VXN: variants seen among roughly 807,000 people sequenced by gnomAD.
VXN encodes uncharacterized protein C8orf46.
VXN carries 7 observed loss-of-function variants against 23.1 expected under a neutral mutation model. That is an observed-to-expected ratio of 0.30 (90% CI 0.17 to 0.57). VXN has a LOEUF of 0.57. VXN is among the 20% of genes least tolerant of loss of function. The pLI is 0.91. For synonymous variants in VXN, 120 were observed against 105.8 expected (o/e 1.13, Z -0.83); for missense variants, 238 against 272.6 (o/e 0.87, Z 0.89).
intron 3 of VXN, among the ~76,000 whole-genome samples, chr8:66,507,636 T>C (rs1563507917): frequency 1.3e-5 from 2 of 152,092 alleles, no homozygotes; most frequent in South Asian, 4.1e-4. Context: ...ACAAGAGCAA[T>C]AAGTTATGAT....
At chr8:66,510,395 A>C (rs1807808312) in intron 4 of VXN, 2 of 480,532 alleles carry the variant, frequency 4.2e-6, no homozygotes, top group Admixed American at 7.7e-5. Context: ...CTCTTAGGCA[A>C]ACAAAAGAAG....
chr8:66,495,192 G>C (rs984669936), intron 1 of VXN, among the ~76,000 whole-genome samples: 6 of 152,082 alleles, frequency 3.9e-5, no homozygotes, highest in African/African-American at 1.2e-4. Context: ...GGTAGAAAGA[G>C]AACCAAAACA....
At chr8:66,504,469 C>A (rs535091319) in intron 2 of VXN, among the ~76,000 whole-genome samples, 20 of 151,572 alleles carry the variant, frequency 1.3e-4, no homozygotes, top group Non-Finnish European at 2.5e-4. Flanking sequence ...GGATCGAAGC[C>A]CAAACTACCA....
At chr8:66,511,812 A>T (rs1173357532) in intron 4 of VXN, among the ~76,000 whole-genome samples, 1 of 152,078 alleles carries the variant, frequency 6.6e-6, no homozygotes, top group Non-Finnish European at 1.5e-5. Context: ...CACAGCTGTA[A>T]TCCCAGCACT....
At chr8:66,505,311 G>C (rs1165405191) in intron 2 of VXN, 64 bp from the exon 3 acceptor site, 2 of 1,549,618 alleles carry the variant, frequency 1.3e-6, no homozygotes, top group South Asian at 2.4e-5. Context: ...TCCTGCCCTG[G>C]GGTTCCATGG....
At position 66,516,103 on chromosome 8, in the gene VXN, TTG is replaced by T. The variant is rs1350072753; in HGVS notation, c.*28_*29del. On this transcript the variant is annotated 3_prime_UTR_variant, in exon 6 of 6. Coordinates refer to ENST00000305454, the MANE Select transcript of VXN (RefSeq NM_152765.4). ...GGTGACCCTCTTCAAGTGCCCTGTG[TTG>T]GCCAAGGTTCCCCGGACAAGAGGAA... 3.2e-6 allele frequency: 5 copies of T among 1,563,480 alleles called. No homozygotes were observed. The highest frequency in any genetic ancestry group is 4.3e-6 in the Non-Finnish European group (5 of 1,159,988).
At chr8:66,508,432 G>A (rs968803241) in intron 3 of VXN, among the ~76,000 whole-genome samples, 1 of 152,088 alleles carries the variant, frequency 6.6e-6, no homozygotes, top group Non-Finnish European at 1.5e-5. Flanking sequence ...GTCCGTTCCT[G>A]GCCCCTGCCC....
rs534081239 is a variant in VXN, at chr8:66,499,247, G to A, written c.126+2755G>A. ...TTTTTTTTTTTTTTTTTTTTTTGGC[G>A]GAGGGGACAGGGTCTCACTCTGTCA... On this transcript the variant is annotated intron_variant, in intron 2 of 5. Transcript: ENST00000305454. Among the ~76,000 whole-genome samples the A allele has an allele frequency of 1.7e-3, 226 of 135,162 alleles. 1 individual carries two copies. Among genetic ancestry groups the A allele is most frequent in the Non-Finnish European group, 2.5e-3 (163 of 63,924 alleles). 88.7% of individuals were successfully genotyped at this position (135,162 alleles called of 152,430 possible). A position where few individuals can be genotyped will look rare whatever the true frequency, so the allele number is the denominator to read the frequency against.
intron 3 of VXN, among the ~76,000 whole-genome samples, chr8:66,507,147 AT>A (rs1807769016): frequency 6.6e-6 from 1 of 152,202 alleles, no homozygotes; most frequent in Non-Finnish European, 1.5e-5. Flanking sequence ...GGCACAACAT[AT>A]TGAGCAGCAA....
At chr8:66,513,368 C>T (rs1807846991) in intron 4 of VXN, among the ~76,000 whole-genome samples, 172 bp from the exon 5 acceptor site, 1 of 152,170 alleles carries the variant, frequency 6.6e-6, no homozygotes, top group Non-Finnish European at 1.5e-5. Flanking sequence ...TGGGGTGGGG[C>T]CTGGCACTGT....
chr8:66,496,483 GACCAAGAATGTAAGGAA>G lies in VXN; in HGVS notation c.120_126+10del. On this transcript the variant is annotated splice_donor_variant and splice_donor_5th_base_variant and coding_sequence_variant and intron_variant, in exon 2 of 6. Transcript: ENST00000305454. LOFTEE classifies it high-confidence loss of function. ...GAGCCAAAAGCTCTCAGCACCTCTT[GACCAAGAATGTAAGGAA>G]ACTTTAGTTTTGATGTTCTTTGGTT... 1 of 1,614,078 alleles carries G rather than the reference GACCAAGAATGTAAGGAA, an allele frequency of 6.2e-7. No homozygotes were observed. The highest frequency in any genetic ancestry group is 8.5e-7 in the Non-Finnish European group (1 of 1,179,946).
At chr8:66,504,238 G>A (rs775628713) in intron 2 of VXN, among the ~76,000 whole-genome samples, 21 of 152,090 alleles carry the variant, frequency 1.4e-4, no homozygotes, top group African/African-American at 3.6e-4. Context: ...GGAAGGCAGC[G>A]GCAGTCTTCC....
intron 2 of VXN, among the ~76,000 whole-genome samples, chr8:66,497,083 C>T (rs1807635689): frequency 6.6e-6 from 1 of 152,120 alleles, no homozygotes; most frequent in African/African-American, 2.4e-5. Context: ...CGGGGTTTCA[C>T]CATGTTGGCC....
In VXN at chr8:66,505,393, C is replaced by T; in HGVS notation, c.145C>T (p.Leu49=). The T allele has an allele frequency of 6.3e-7, 1 of 1,581,892 alleles. No homozygotes were observed. Among genetic ancestry groups the T allele is most frequent in the Middle Eastern group, 1.7e-4 (1 of 6,016 alleles). Residue 49 remains leucine, a synonymous_variant, in exon 3 of 6, where the codon CTG becomes TTG. Coordinates refer to ENST00000305454, the MANE Select transcript of VXN (RefSeq NM_152765.4). The stretch of plus-strand genomic sequence containing the variant: ...CCGGCAGGTGGTGATCGAGTCGGAC[C>T]TGTACACGCACCAGCCCCTGGAGCT... The part of the protein sequence containing the change: ...LTKNVVIESD[L]YTHQPLELLP...
intron 2 of VXN, among the ~76,000 whole-genome samples, chr8:66,499,826 T>C (rs1302113020): frequency 1.3e-5 from 2 of 152,168 alleles, no homozygotes; most frequent in Non-Finnish European, 2.9e-5. Flanking sequence ...TGAATATCTT[T>C]CTATGCCAAT....
At chr8:66,498,204 T>A (rs552013222) in intron 2 of VXN, among the ~76,000 whole-genome samples, 3 of 151,078 alleles carry the variant, frequency 2.0e-5, no homozygotes, top group Admixed American at 6.6e-5. Flanking sequence ...CATGGTGCTA[T>A]GCTCTTGTTG....
intron 1 of VXN, among the ~76,000 whole-genome samples, 193 bp downstream of exon 1, chr8:66,493,911 C>T (rs1284246855): frequency 6.6e-6 from 1 of 152,082 alleles, no homozygotes; most frequent in Non-Finnish European, 1.5e-5. Context: ...GAGAAACAAT[C>T]CATCAAGGGG....
chr8:66,510,514 G>C (rs1193154813), intron 4 of VXN, among the ~76,000 whole-genome samples: 1 of 152,218 alleles, frequency 6.6e-6, no homozygotes. Flanking sequence ...CCCAGGCACA[G>C]CCACAGGGGA....
intron 3 of VXN, among the ~76,000 whole-genome samples, chr8:66,507,302 C>A (rs558640196): frequency 2.0e-5 from 3 of 152,278 alleles, no homozygotes; most frequent in Admixed American, 2.0e-4. Flanking sequence ...ATTTTAACAA[C>A]CCTCTCCCCA....
Sources: gnomAD v4.1 joint callset for allele counts (sites outside exome capture counted in the v4.1 genomes callset) on GRCh38, gnomAD v4.1.1 for gene constraint, MANE v1.5 for transcripts, NCBI Gene and HGNC (gene_info 2026-07-23, HGNC 2026-07-21) for gene names.